Variants in PROM1 observed in about 807,000 individuals in gnomAD.
PROM1 encodes the protein prominin 1.
In PROM1, 105 loss-of-function variants were observed where a neutral mutation model predicts 116.9. The observed-to-expected ratio is 0.90, with a 90% CI of 0.77 to 1.06. The LOEUF is 1.06. Among genes scored for constraint, PROM1 ranks in the 50% least tolerant of loss-of-function variants. The probability of loss-of-function intolerance (pLI) is 0.00; values close to 1 mark genes in which losing one functional copy is unlikely to be tolerated. For missense variants in PROM1, 1,122 were observed against 1,045.2 expected (o/e 1.07, Z -1.01); for synonymous variants, 393 against 387.0 (o/e 1.02, Z -0.18).
intron 2 of PROM1, among the ~76,000 whole-genome samples, chr4:16,056,694 G>A (rs1008494884): frequency 6.6e-6 from 1 of 152,092 alleles, no homozygotes; most frequent in African/African-American, 2.4e-5. Context: ...AACGAGCCAT[G>A]CAGAAGAGTC....
At chr4:16,041,720 C>T (rs752809319) in intron 2 of PROM1, among the ~76,000 whole-genome samples, 8 of 150,462 alleles carry the variant, frequency 5.3e-5, no homozygotes, top group Non-Finnish European at 7.4e-5. Flanking sequence ...TGCACTCCAG[C>T]TCGGGTGACA....
At chr4:15,995,801 C>T (rs916584631) in intron 15 of PROM1, among the ~76,000 whole-genome samples, 1 of 152,144 alleles carries the variant, frequency 6.6e-6, no homozygotes, top group Admixed American at 6.5e-5. Context: ...AGACACCCTC[C>T]TTGGGGCTTC....
At position 15,991,228 on chromosome 4, in the gene PROM1, G is replaced by A. The variant is rs149028760; in HGVS notation, c.1977C>T (p.Asn659=). 1,297 of 1,607,488 alleles carry A rather than the reference G, an allele frequency of 8.1e-4. 7 individuals are homozygous for A. Among genetic ancestry groups the A allele is most frequent in the African/African-American group, 5.9e-3 (438 of 74,698 alleles). Residue 659 remains asparagine, a synonymous_variant, in exon 18 of 28, where the codon AAC becomes AAT. Transcript: ENST00000447510. ...SFAYDLEAKA[N]SLPPGNLRNS... ...CCGGACGATTTGAACTCACCAAACT[G>A]TTTGCTTTTGCTTCTAGATCATATG...
intron 2 of PROM1, among the ~76,000 whole-genome samples, chr4:16,039,791 A>G (rs1734777229): frequency 6.6e-6 from 1 of 152,058 alleles, no homozygotes; most frequent in Non-Finnish European, 1.5e-5. Flanking sequence ...CAAGCAGTGC[A>G]TAAAAACCTA....
chr4:15,980,315 A>AG (rs1717457445), intron 24 of PROM1, 107 bp downstream of exon 24: 1 of 877,194 alleles, frequency 1.1e-6, no homozygotes, highest in Admixed American at 2.3e-5. Flanking sequence ...AAAAAAAAAA[A>AG]AAAAAGAAAT....
chr4:16,073,039 G>A (rs185339260), intron 2 of PROM1, among the ~76,000 whole-genome samples: 284 of 152,078 alleles, frequency 1.9e-3, no homozygotes, highest in African/African-American at 6.6e-3. Context: ...CTGAATTTTG[G>A]GGGAGACTGC....
chr4:15,998,382 T>C lies in PROM1; in HGVS notation c.1682+3A>G, dbSNP rs1326022839. On this transcript the variant is annotated splice_donor_region_variant and intron_variant, in intron 15 of 27. Transcript: ENST00000447510. The stretch of plus-strand genomic sequence containing the variant: ...GCGAAATGTATAATGCAAATATTGA[T>C]ACCTGTAAACTTGTTCAAAAGTGAG... The C allele has an allele frequency of 1.3e-6, 2 of 1,586,032 alleles. No individual in the cohort carries two copies. Among genetic ancestry groups the C allele is most frequent in the Non-Finnish European group, 1.7e-6 (2 of 1,170,306 alleles).
At chr4:15,970,150 A>C (rs538220862) in intron 27 of PROM1, among the ~76,000 whole-genome samples, 2 of 151,846 alleles carry the variant, frequency 1.3e-5, no homozygotes, top group South Asian at 4.2e-4. Context: ...ACTCTAAAAA[A>C]ACACTTTCTT....
intron 2 of PROM1, among the ~76,000 whole-genome samples, chr4:16,039,401 A>C (rs951236499): frequency 6.6e-6 from 1 of 152,210 alleles, no homozygotes; most frequent in African/African-American, 2.4e-5. Flanking sequence ...CATTTGCCTG[A>C]TATTAATATT....
chr4:15,976,108 C>T (rs3796861), intron 26 of PROM1: 113,398 of 436,550 alleles, frequency 0.26, 16,418 homozygotes, highest in South Asian at 0.29. Flanking sequence ...CAATGTCTGT[C>T]GTAAGCAGAA....
intron 27 of PROM1, among the ~76,000 whole-genome samples, chr4:15,970,189 GGA>G (rs1407372107): frequency 7.2e-6 from 1 of 139,506 alleles, no homozygotes; most frequent in Non-Finnish European, 1.5e-5. Context: ...TTTTTGTGAT[GGA>G]GTCTCACTCT....
At chr4:16,061,888 C>CTTT (rs34310500) in intron 2 of PROM1, among the ~76,000 whole-genome samples, 3 of 85,732 alleles carry the variant, frequency 3.5e-5, no homozygotes, top group Non-Finnish European at 4.6e-5. Flanking sequence ...TACAAATTTC[C>CTTT]TTTTTTTTTT....
intron 2 of PROM1, among the ~76,000 whole-genome samples, chr4:16,040,326 C>T (rs1348589866): frequency 6.6e-6 from 1 of 152,192 alleles, no homozygotes; most frequent in Non-Finnish European, 1.5e-5. Context: ...AGTTTCTTCA[C>T]AGTACCTCGG....
intron 26 of PROM1, among the ~76,000 whole-genome samples, chr4:15,976,590 G>A (rs188576408): frequency 6.6e-6 from 1 of 152,370 alleles, no homozygotes; most frequent in Admixed American, 6.5e-5. Context: ...ATCTGAAGCT[G>A]GGGATTAGCC....
At chr4:16,080,692 A>C (rs568878201) in intron 1 of PROM1, 2 of 152,200 alleles carry the variant, frequency 1.3e-5, no homozygotes, top group Non-Finnish European at 2.9e-5. Flanking sequence ...AACATCTGAG[A>C]CCACGTTTGT....
At chr4:16,049,328 T>C (rs192308850) in intron 2 of PROM1, among the ~76,000 whole-genome samples, 141 of 152,324 alleles carry the variant, frequency 9.3e-4, no homozygotes, top group African/African-American at 3.1e-3. Context: ...CCCTGTTCTG[T>C]TCTACATGGA....
chr4:15,987,826 A>G lies in PROM1; in HGVS notation c.2077-110T>C, dbSNP rs552009248. On this transcript the variant is annotated intron_variant, in intron 19 of 27. Coordinates refer to ENST00000447510, the MANE Select transcript of PROM1 (RefSeq NM_006017.3). Reference sequence around the variant, plus strand: ...GCCATCAAATCTGTCTTTACACTGTAATGGTTTCATTCTAGAAAAAATAAC... The same window carrying G: ...GCCATCAAATCTGTCTTTACACTGTGATGGTTTCATTCTAGAAAAAATAAC... 4.8e-6 allele frequency: 4 copies of G among 836,746 alleles called. 1 individual carries two copies. The highest frequency in any genetic ancestry group is 2.7e-5 in the East Asian group (1 of 37,684). The allele number at this position is 836,746 out of a possible 1,614,324, so 51.8% of individuals were successfully genotyped here.
At chr4:16,019,943 G>A (rs1034255500) in intron 8 of PROM1, among the ~76,000 whole-genome samples, 6 of 151,936 alleles carry the variant, frequency 3.9e-5, no homozygotes, top group Non-Finnish European at 7.4e-5. Context: ...AGTAGCCCGA[G>A]GTTGCATCCC....
chr4:16,056,081 A>G (rs945581160), intron 2 of PROM1, among the ~76,000 whole-genome samples: 3 of 152,064 alleles, frequency 2.0e-5, no homozygotes, highest in Admixed American at 6.6e-5. Context: ...GGGGTTAGGA[A>G]AGAGGATTGA....
Sources: gnomAD v4.1 joint callset for allele counts (sites outside exome capture counted in the v4.1 genomes callset) on GRCh38, gnomAD v4.1.1 for gene constraint, MANE v1.5 for transcripts, NCBI Gene and HGNC (gene_info 2026-07-23, HGNC 2026-07-21) for gene names.